CNTN4: variants seen among roughly 807,000 people sequenced by gnomAD.
CNTN4 encodes the protein contactin 4, also known as contactin-4.
Under a neutral mutation model 122.5 loss-of-function variants are expected in CNTN4, and 77 were observed. The observed-to-expected ratio is 0.63, with a 90% CI of 0.52 to 0.76. The LOEUF is 0.76. CNTN4 is among the 30% of genes least tolerant of loss of function. The probability of loss-of-function intolerance (pLI) is 0.00; values close to 1 mark genes in which losing one functional copy is unlikely to be tolerated. For synonymous variants in CNTN4, 512 were observed against 447.0 expected (o/e 1.15, Z -1.83); for missense variants, 1,256 against 1,259.1 (o/e 1.00, Z 0.04).
chr3:2,602,924 T>G (rs956182055), intron 4 of CNTN4, among the ~76,000 whole-genome samples: 2 of 152,164 alleles, frequency 1.3e-5, no homozygotes, highest in Non-Finnish European at 2.9e-5. Context: ...GACATTAGAG[T>G]ATTTCCTATT....
intron 18 of CNTN4, chr3:3,037,558 A>G: frequency 1.8e-6 from 1 of 564,490 alleles, no homozygotes; most frequent in East Asian, 3.3e-5. Flanking sequence ...AGCAAGAGAC[A>G]CACGGTGCTT....
At chr3:2,218,816 A>T (rs750636672) in intron 2 of CNTN4, among the ~76,000 whole-genome samples, 6 of 152,122 alleles carry the variant, frequency 3.9e-5, no homozygotes, top group Admixed American at 6.5e-5. Context: ...TTTCATCACG[A>T]TAGGAGTGGT....
At chr3:2,284,027 A>G (rs1477717416) in intron 2 of CNTN4, among the ~76,000 whole-genome samples, 5 of 152,104 alleles carry the variant, frequency 3.3e-5, no homozygotes, top group Non-Finnish European at 7.4e-5. Flanking sequence ...AATGTGGGCT[A>G]AAACCAGCTG....
chr3:2,172,704 A>G (rs1211311941), intron 2 of CNTN4, among the ~76,000 whole-genome samples: 3 of 152,222 alleles, frequency 2.0e-5, no homozygotes, highest in African/African-American at 7.2e-5. Context: ...GATGTCCATC[A>G]GGACAACTGC....
At chr3:2,922,827 T>G (rs1274794639) in intron 12 of CNTN4, among the ~76,000 whole-genome samples, 3 of 152,198 alleles carry the variant, frequency 2.0e-5, no homozygotes, top group African/African-American at 7.2e-5. Context: ...GCCAGGCTGG[T>G]CTCGAACTCC....
chr3:2,761,810 G>T (rs917876857), intron 6 of CNTN4, among the ~76,000 whole-genome samples: 1 of 152,076 alleles, frequency 6.6e-6, no homozygotes, highest in Non-Finnish European at 1.5e-5. Context: ...AATCACCTGA[G>T]ATTTCTAAGA....
chr3:2,808,780 C>T lies in CNTN4; in HGVS notation c.359-10706C>T, dbSNP rs185261735. 6.1e-4 allele frequency among the ~76,000 whole-genome samples: 93 copies of T among 152,186 alleles called. 1 individual carries two copies. The highest frequency in any genetic ancestry group is 1.0e-3 in the Non-Finnish European group (70 of 68,000). ...AGCTTTCCACTTAAGGATGGGGATGCGGGAAAGTAGGTGGCTCCATGCCCT... is the reference window on the plus strand; with the variant it reads ...AGCTTTCCACTTAAGGATGGGGATGTGGGAAAGTAGGTGGCTCCATGCCCT... On this transcript the variant is annotated intron_variant, in intron 6 of 24. Coordinates refer to ENST00000418658, the MANE Select transcript of CNTN4 (RefSeq NM_175607.3).
intron 14 of CNTN4, among the ~76,000 whole-genome samples, chr3:3,009,158 A>G (rs1696933852): frequency 6.6e-6 from 1 of 152,186 alleles, no homozygotes; most frequent in Non-Finnish European, 1.5e-5. Flanking sequence ...AGAGTTGACT[A>G]GGATTGATTG....
chr3:2,650,044 CATATT>C (rs1351548138), intron 4 of CNTN4, among the ~76,000 whole-genome samples: 2 of 145,232 alleles, frequency 1.4e-5, no homozygotes, highest in African/African-American at 5.0e-5. Flanking sequence ...AATATAAATT[CATATT>C]ATATGTATAA....
chr3:2,280,264 C>T (rs983776304), intron 2 of CNTN4, among the ~76,000 whole-genome samples: 3 of 152,094 alleles, frequency 2.0e-5, no homozygotes, highest in African/African-American at 7.2e-5. Flanking sequence ...CCAGTATCAA[C>T]AGGCATTTAT....
chr3:2,472,219 TTTGTTG>T (rs751262935), intron 3 of CNTN4, among the ~76,000 whole-genome samples: 2 of 151,774 alleles, frequency 1.3e-5, no homozygotes, highest in Non-Finnish European at 2.9e-5. Flanking sequence ...GTGCTTTTCT[TTTGTTG>T]TTGTTGTTGT....
At chr3:2,756,544 G>GT (rs2090347302) in intron 6 of CNTN4, among the ~76,000 whole-genome samples, 1 of 152,150 alleles carries the variant, frequency 6.6e-6, no homozygotes, top group Non-Finnish European at 1.5e-5. Context: ...GACTAAAACT[G>GT]TAACTCTCAA....
chr3:2,854,180 T>A (rs1208710582), intron 7 of CNTN4, among the ~76,000 whole-genome samples: 1 of 152,072 alleles, frequency 6.6e-6, no homozygotes, highest in Non-Finnish European at 1.5e-5. Flanking sequence ...TGTTATTGGT[T>A]TCACAGGAGC....
At chr3:2,874,690 A>G (rs1458861372) in intron 8 of CNTN4, among the ~76,000 whole-genome samples, 1 of 152,196 alleles carries the variant, frequency 6.6e-6, no homozygotes, top group Non-Finnish European at 1.5e-5. Flanking sequence ...TGAAGTGTAC[A>G]GGGAAATTAG....
At chr3:2,112,237 A>G (rs1288900502) in intron 2 of CNTN4, among the ~76,000 whole-genome samples, 1 of 152,184 alleles carries the variant, frequency 6.6e-6, no homozygotes, top group Non-Finnish European at 1.5e-5. Context: ...ATCCTGTAAA[A>G]GAAATGCTGA....
At chr3:2,980,182 A>G (rs17024099) in intron 13 of CNTN4, among the ~76,000 whole-genome samples, 5,657 of 152,284 alleles carry the variant, frequency 0.037, 240 homozygotes, top group African/African-American at 0.1. Flanking sequence ...AAATCTCCAA[A>G]TGACAGTGAG....
At chr3:2,721,326 A>C (rs941384057) in intron 4 of CNTN4, among the ~76,000 whole-genome samples, 1 of 152,134 alleles carries the variant, frequency 6.6e-6, no homozygotes, top group Non-Finnish European at 1.5e-5. Flanking sequence ...CTTAAGAGAG[A>C]GAAAAAGAAA....
intron 12 of CNTN4, among the ~76,000 whole-genome samples, chr3:2,904,563 C>T (rs2094209019): frequency 6.6e-6 from 1 of 152,132 alleles, no homozygotes; most frequent in Non-Finnish European, 1.5e-5. Flanking sequence ...ATGGCTAGGC[C>T]TACTGGAATC....
At chr3:2,241,316 G>T (rs777138612) in intron 2 of CNTN4, among the ~76,000 whole-genome samples, 2 of 151,994 alleles carry the variant, frequency 1.3e-5, no homozygotes, top group African/African-American at 4.8e-5. Flanking sequence ...GGTATTCCAG[G>T]CATTGGATAG....
Sources: allele counts gnomAD v4.1 joint callset (sites outside exome capture counted in the v4.1 genomes callset), GRCh38; gene constraint gnomAD v4.1.1; transcripts MANE v1.5; gene names NCBI Gene and HGNC (gene_info 2026-07-23, HGNC 2026-07-21).